KLF12: variants seen among roughly 807,000 people sequenced by gnomAD.
KLF12 encodes KLF transcription factor 12, also known as Krueppel-like factor 12.
A neutral mutation model predicts 37.8 loss-of-function variants in KLF12; 9 were observed. The ratio of observed to expected loss-of-function variants is 0.24; its 90% confidence interval spans 0.14 to 0.42. The LOEUF (loss-of-function observed/expected upper bound fraction) is 0.42. Ranked by LOEUF, KLF12 falls within the 10% of genes least tolerant of loss-of-function variation. The pLI, the probability that KLF12 is intolerant of heterozygous loss-of-function variation, is 1.00. For synonymous variants in KLF12, 208 were observed against 202.1 expected, an observed-to-expected ratio of 1.03 and a Z score of -0.25; for missense variants, 411 against 516.0, an observed-to-expected ratio of 0.80 and a Z score of 1.97.
At chr13:74,245,337 C>CT in the KLF12 span, among the ~76,000 whole-genome samples, 802 of 149,260 alleles carry the variant, frequency 5.4e-3, 9 homozygotes, top group Middle Eastern at 0.024. Context: ...ATCTATCTAT[C>CT]TATCATCTAC....
chr13:73,863,286 G>C (rs1886016113), intron 3 of KLF12, among the ~76,000 whole-genome samples: 1 of 152,110 alleles, frequency 6.6e-6, no homozygotes, highest in Non-Finnish European at 1.5e-5. Flanking sequence ...AGTCTTATGT[G>C]ATAAATTAGA....
intron 3 of KLF12, among the ~76,000 whole-genome samples, chr13:73,860,046 GAA>G (rs1885834648): frequency 6.6e-6 from 1 of 152,190 alleles, no homozygotes; most frequent in Non-Finnish European, 1.5e-5. Flanking sequence ...TAAGTGAGAA[GAA>G]ATGCAGTGTG....
chr13:74,173,386 C>T, the KLF12 span, among the ~76,000 whole-genome samples: 1 of 152,194 alleles, frequency 6.6e-6, no homozygotes, highest in African/African-American at 2.4e-5. Flanking sequence ...AGCTGGGCCA[C>T]CTTTCCCAGC....
the KLF12 span, among the ~76,000 whole-genome samples, chr13:74,240,105 T>C: frequency 2.0e-5 from 3 of 152,318 alleles, no homozygotes; most frequent in South Asian, 4.2e-4. Context: ...CCATGTTTAG[T>C]GCTTCCTTCA....
chr13:74,084,070 A>G (rs554157703), intron 1 of KLF12, among the ~76,000 whole-genome samples: 1 of 152,358 alleles, frequency 6.6e-6, no homozygotes, highest in Admixed American at 6.5e-5. Flanking sequence ...CATCTATTTT[A>G]ATGTTACCGA....
the KLF12 span, among the ~76,000 whole-genome samples, chr13:74,260,786 G>C: frequency 6.6e-6 from 1 of 151,928 alleles, no homozygotes; most frequent in Non-Finnish European, 1.5e-5. Context: ...ATAAAAATTT[G>C]CGGGTATGTG....
intron 2 of KLF12, 49 bp downstream of exon 2, chr13:73,994,941 C>T: frequency 7.8e-7 from 1 of 1,288,492 alleles, no homozygotes. Context: ...AAAAGTAATG[C>T]TCAAAGTAGC....
chr13:74,046,904 ATTT>A (rs933488431), intron 1 of KLF12, among the ~76,000 whole-genome samples: 1 of 152,106 alleles, frequency 6.6e-6, no homozygotes, highest in South Asian at 2.1e-4. Context: ...CTTAAATTTT[ATTT>A]TTTATCTCTT....
chr13:73,696,598 C>T (rs1435224894), intron 7 of KLF12, among the ~76,000 whole-genome samples: 2 of 152,146 alleles, frequency 1.3e-5, no homozygotes, highest in Non-Finnish European at 2.9e-5. Flanking sequence ...CCCCTTACAC[C>T]CAACAATCTA....
chr13:74,148,605 C>A, the KLF12 span, among the ~76,000 whole-genome samples: 1 of 150,960 alleles, frequency 6.6e-6, no homozygotes, highest in East Asian at 2.0e-4. Flanking sequence ...GACCTATAAG[C>A]AGCACCTGGC....
At chr13:74,197,945 A>G in the KLF12 span, among the ~76,000 whole-genome samples, 2 of 152,156 alleles carry the variant, frequency 1.3e-5, no homozygotes, top group Non-Finnish European at 2.9e-5. Flanking sequence ...AAAATTTTCT[A>G]GCAACAGAGT....
the KLF12 span, among the ~76,000 whole-genome samples, chr13:74,248,839 G>T: frequency 1.3e-5 from 2 of 152,098 alleles, no homozygotes; most frequent in Non-Finnish European, 2.9e-5. Flanking sequence ...AGAACCAAAG[G>T]TGTGAGCCAA....
intron 5 of KLF12, among the ~76,000 whole-genome samples, chr13:73,780,752 G>A (rs1400513511): frequency 1.8e-4 from 28 of 152,192 alleles, no homozygotes; most frequent in Admixed American, 1.2e-3. Context: ...GTGAGCCACC[G>A]CGCCCAGCCA....
chr13:74,294,618 C>T, the KLF12 span, among the ~76,000 whole-genome samples: 14 of 152,136 alleles, frequency 9.2e-5, no homozygotes, highest in African/African-American at 1.4e-4. Context: ...CCACCCGCCT[C>T]GGCCTCCCAA....
intron 5 of KLF12, among the ~76,000 whole-genome samples, chr13:73,803,772 TCACACACACACACACACACACACA>T (rs4053528): frequency 7.0e-6 from 1 of 141,950 alleles, no homozygotes; most frequent in African/African-American, 2.6e-5. Context: ...TACTGCAGAG[TCACACACACACACACACACACACA>T]CACACACACA....
chr13:73,735,510 G>T (rs1215514532), intron 6 of KLF12, among the ~76,000 whole-genome samples: 2 of 152,132 alleles, frequency 1.3e-5, no homozygotes, highest in South Asian at 2.1e-4. Context: ...GCCAGGTCGT[G>T]TCAAGTGGGA....
At chr13:74,296,543 T>G in the KLF12 span, among the ~76,000 whole-genome samples, 1 of 152,212 alleles carries the variant, frequency 6.6e-6, no homozygotes, top group Non-Finnish European at 1.5e-5. Context: ...ACTAATGAAC[T>G]GTAAAATTCT....
rs567013241 is a variant in KLF12, at chr13:73,768,540, C to A, written c.807-3540G>T. ...ACTATGGCTTATAAGGTATGGCTTA[C>A]TCTCAGGCAGCTCATTTTTTTCTGC... On this transcript the variant is annotated intron_variant, in intron 5 of 7. Coordinates refer to ENST00000377669, the MANE Select transcript of KLF12 (RefSeq NM_007249.5). Among the ~76,000 whole-genome samples, 16 of 95,988 alleles carry A rather than the reference C, an allele frequency of 1.7e-4. 1 individual carries two copies. Among genetic ancestry groups the A allele is most frequent in the Admixed American group, 1.2e-3 (10 of 8,514 alleles). The allele number at this position is 95,988 out of a possible 152,430, so 63.0% of individuals were successfully genotyped here. A position where few individuals can be genotyped will look rare whatever the true frequency, so the allele number is the denominator to read the frequency against.
At chr13:73,847,521 C>T (rs746737930) in intron 3 of KLF12, among the ~76,000 whole-genome samples, 2 of 152,008 alleles carry the variant, frequency 1.3e-5, no homozygotes, top group African/African-American at 2.4e-5. Flanking sequence ...AATTACAGCT[C>T]CATTCAAAAC....
Sources: gnomAD v4.1 joint callset for allele counts (sites outside exome capture counted in the v4.1 genomes callset) on GRCh38, gnomAD v4.1.1 for gene constraint, MANE v1.5 for transcripts, NCBI Gene and HGNC (gene_info 2026-07-23, HGNC 2026-07-21) for gene names.